CACNA1B: variants seen among roughly 807,000 people sequenced by gnomAD.
CACNA1B encodes the protein voltage-dependent N-type calcium channel subunit alpha-1B.
A neutral mutation model predicts 247.2 loss-of-function variants in CACNA1B; 70 were observed. The ratio of observed to expected loss-of-function variants is 0.28; its 90% CI spans 0.23 to 0.35. The LOEUF (loss-of-function observed/expected upper bound fraction) is 0.35. Among genes scored for constraint, CACNA1B ranks in the 10% least tolerant of loss-of-function variants. The probability of loss-of-function intolerance (pLI) is 1.00; values close to 1 mark genes in which losing one functional copy is unlikely to be tolerated. For synonymous variants in CACNA1B, 1,231 were observed against 1,294.4 expected, an observed-to-expected ratio of 0.95 and a Z score of 1.05; for missense variants, 2,367 against 3,197.4, an observed-to-expected ratio of 0.74 and a Z score of 6.26.
Position 137,877,833 on chromosome 9 carries a change from TC to T in CACNA1B, c.-98del. 1.6e-6 allele frequency: 1 copy of T among 623,140 alleles called. No individual in the cohort carries two copies. Among genetic ancestry groups the T allele is most frequent in the Non-Finnish European group, 2.0e-6 (1 of 499,254 alleles). 38.6% of individuals were successfully genotyped at this position (623,140 alleles called of 1,614,324 possible). The stretch of plus-strand genomic sequence containing the variant: ...TGGGGCCGGGCGAGGTCCGCTGCGG[TC>T]CCGGCGGCTCCGTGGCTGCTCCGCT... On this transcript the variant is annotated 5_prime_UTR_variant, in exon 1 of 47. Transcript: ENST00000371372.
intron 20 of CACNA1B, among the ~76,000 whole-genome samples, chr9:138,036,333 G>A (rs1052787148): frequency 5.3e-5 from 8 of 152,108 alleles, no homozygotes; most frequent in Non-Finnish European, 1.0e-4. Context: ...TAGAGATGGC[G>A]TTTCACTGTG....
intron 42 of CACNA1B, 73 bp downstream of exon 42, chr9:138,115,752 C>T (rs1248956677): frequency 1.4e-6 from 2 of 1,473,292 alleles, no homozygotes; most frequent in East Asian, 4.7e-5. Flanking sequence ...GCAGACATCC[C>T]ATTTCCTCAA....
At chr9:138,075,977 A>C (rs1035716936) in intron 35 of CACNA1B, 67 bp downstream of exon 35, 4 of 1,080,998 alleles carry the variant, frequency 3.7e-6, no homozygotes, top group Non-Finnish European at 5.6e-6. Flanking sequence ...CTCAGGATGA[A>C]GAAGGCTGGG....
At chr9:138,099,180 G>C (rs1399908592) in intron 37 of CACNA1B, among the ~76,000 whole-genome samples, 1 of 152,262 alleles carries the variant, frequency 6.6e-6, no homozygotes, top group Non-Finnish European at 1.5e-5. Flanking sequence ...GTGCGTGTTT[G>C]CACAGTGTGA....
At chr9:138,113,524 A>C (rs1961737409) in intron 40 of CACNA1B, among the ~76,000 whole-genome samples, 1 of 147,450 alleles carries the variant, frequency 6.8e-6, no homozygotes, top group Non-Finnish European at 1.5e-5. Context: ...GAAGGTGCCC[A>C]ACTCCTCCTT....
At chr9:138,062,459 A>C (rs1244407748) in intron 31 of CACNA1B, among the ~76,000 whole-genome samples, 1 of 152,132 alleles carries the variant, frequency 6.6e-6, no homozygotes, top group Non-Finnish European at 1.5e-5. Context: ...TGTGTCCTCT[A>C]GACATGCTTG....
Position 138,043,854 on chromosome 9 carries a change from C to T in CACNA1B, c.3367C>T (p.Pro1123Ser). The change falls in exon 21 of 47, where the codon CCT becomes TCT. Residue 1123 changes from proline (P) to serine (S), a missense_variant. Physicochemically the swap from Pro to Ser is moderately conservative, Grantham distance 74. Coordinates refer to ENST00000371372, the MANE Select transcript of CACNA1B (RefSeq NM_000718.4). The part of the protein sequence containing the change: ...ADDVMRSGPR[P>S]IVPYSSMFCL... ...TGACGTGATGAGGAGCGGCCCCCGG[C>T]CTATCGTCCCATACAGCTCCATGTT... 1 of 1,613,988 alleles carries T rather than the reference C, an allele frequency of 6.2e-7. No homozygotes were observed. Among genetic ancestry groups the T allele is most frequent in the Non-Finnish European group, 8.5e-7 (1 of 1,179,876 alleles).
Position 138,023,310 on chromosome 9 carries a change from A to G in CACNA1B, c.2567A>G (p.Asp856Gly), listed in dbSNP as rs1345508359. Residue 856 changes from aspartate (D) to glycine (G), a missense_variant, in exon 19 of 47, where the codon GAC becomes GGC. Coordinates refer to ENST00000371372, the MANE Select transcript of CACNA1B (RefSeq NM_000718.4). ...DPPRRHHRHR[D>G]KDKTPAAGDQ... is the part of the protein sequence containing the mutation. ...CCGCGCAGGCACCACCGGCACCGCG[A>G]CAAGGACAAGACCCCCGCGGCGGGG... 6.6e-7 allele frequency: 1 copy of G among 1,514,730 alleles called. No individual in the cohort carries two copies. The highest frequency in any genetic ancestry group is 2.6e-5 in the East Asian group (1 of 37,876). 93.8% of individuals were successfully genotyped at this position (1,514,730 alleles called of 1,614,324 possible). A position where few individuals can be genotyped will look rare whatever the true frequency, so the allele number is the denominator to read the frequency against.
rs569934141 is a variant in CACNA1B at position 138,115,771 on chromosome 9, G to A, written c.5777+92G>A. On this transcript the variant is annotated intron_variant, in intron 42 of 46. Transcript: ENST00000371372. ...ACATCCCATTTCCTCAACCTCCCTGGCCCTCACTTCCACTGGCCTCTGGGT... is the reference window on the plus strand; with the variant it reads ...ACATCCCATTTCCTCAACCTCCCTGACCCTCACTTCCACTGGCCTCTGGGT... The A allele has an allele frequency of 1.3e-4, 181 of 1,352,738 alleles. 1 individual carries two copies. In the African/African-American group the frequency reaches 2.0e-3, roughly 15 times the overall value. The allele number at this position is 1,352,738 out of a possible 1,614,324, so 83.8% of individuals were successfully genotyped here.
At chr9:138,097,607 G>A (rs926114842) in intron 37 of CACNA1B, among the ~76,000 whole-genome samples, 6 of 152,174 alleles carry the variant, frequency 3.9e-5, no homozygotes, top group African/African-American at 9.7e-5. Context: ...CTCAGTGAGT[G>A]CGTAGACATC....
intron 3 of CACNA1B, among the ~76,000 whole-genome samples, chr9:137,895,426 C>T (rs1957162064): frequency 6.6e-6 from 1 of 152,030 alleles, no homozygotes; most frequent in Admixed American, 6.6e-5. Context: ...TATATAAAAC[C>T]TGTATGTTAG....
rs200024742 is a variant in CACNA1B, at chr9:137,924,299, G to GCCTTCCTTCCTTCCTT, written c.966+6870_966+6885dup. ...AAAAGTGTGAGGTTTTTGCCTGCCTGCCTTCCTTCCTTCCTTCTTTCCTTC... is the reference window on the plus strand; with the variant it reads ...AAAAGTGTGAGGTTTTTGCCTGCCTGCCTTCCTTCCTTCCTTCCTTCCTTCCTTCCTTCTTTCCTTC... On this transcript the variant is annotated intron_variant, in intron 6 of 46. Coordinates refer to ENST00000371372, the MANE Select transcript of CACNA1B (RefSeq NM_000718.4). Among the ~76,000 whole-genome samples, 4 of 150,044 alleles carry GCCTTCCTTCCTTCCTT rather than the reference G, an allele frequency of 2.7e-5. No homozygotes were observed. The East Asian group carries it at 5.9e-4, about 22-fold the overall frequency.
At chr9:137,995,726 T>C (rs1211830161) in intron 15 of CACNA1B, among the ~76,000 whole-genome samples, 2 of 151,998 alleles carry the variant, frequency 1.3e-5, no homozygotes, top group African/African-American at 4.8e-5. Flanking sequence ...AAAGAAATAA[T>C]CAATAAACAG....
At chr9:137,949,467 T>G (rs1307281893) in intron 6 of CACNA1B, among the ~76,000 whole-genome samples, 5 of 150,006 alleles carry the variant, frequency 3.3e-5, no homozygotes, top group Middle Eastern at 6.9e-3. Flanking sequence ...TGTGTGTGTG[T>G]GGTGTATGCA....
chr9:138,030,026 A>T (rs1272500337), intron 20 of CACNA1B, among the ~76,000 whole-genome samples: 1 of 152,128 alleles, frequency 6.6e-6, no homozygotes, highest in African/African-American at 2.4e-5. Flanking sequence ...TCTGCAAATG[A>T]ACAGTTTTAG....
chr9:138,058,334 G>C lies in CACNA1B; in HGVS notation c.4308+84G>C. The C allele has an allele frequency of 4.0e-6, 5 of 1,240,098 alleles. No homozygotes were observed. The South Asian group carries it at 6.3e-5, about 16-fold the overall frequency. 76.8% of individuals were successfully genotyped at this position (1,240,098 alleles called of 1,614,324 possible). A position where few individuals can be genotyped will look rare whatever the true frequency, so the allele number is the denominator to read the frequency against. ...CCCTCCTGCACACAAATCACTCACA[G>C]CTGGGTCAGCTTTGGCTGCCACCGT... On this transcript the variant is annotated intron_variant, in intron 28 of 46. Coordinates refer to ENST00000371372, the MANE Select transcript of CACNA1B (RefSeq NM_000718.4). The surrounding 1 kb of genome is among the most constrained non-coding windows in gnomAD (Gnocchi z 4.7).
intron 31 of CACNA1B, among the ~76,000 whole-genome samples, chr9:138,065,058 G>A (rs1959867532): frequency 1.3e-5 from 2 of 152,242 alleles, no homozygotes; most frequent in Non-Finnish European, 2.9e-5. Flanking sequence ...TGTGGGCTAT[G>A]AGGTTTTCCA....
rs1958709353 is a variant in CACNA1B at position 138,010,429 on chromosome 9, T to C, written c.2160+352T>C. Among the ~76,000 whole-genome samples, 1 of 152,190 alleles carries C rather than the reference T, an allele frequency of 6.6e-6. No individual in the cohort carries two copies. The highest frequency in any genetic ancestry group is 6.5e-5 in the Admixed American group (1 of 15,288). ...GTGGGACAGCTGCTGCTTCAGGCAGTGCTCAGCGGGTGCCATTTTAATATT... is the reference window on the plus strand; with the variant it reads ...GTGGGACAGCTGCTGCTTCAGGCAGCGCTCAGCGGGTGCCATTTTAATATT... On this transcript the variant is annotated intron_variant, in intron 17 of 46. Transcript: ENST00000371372. This position sits in a 1 kb window ranked among gnomAD's most constrained non-coding sequence, Gnocchi z 5.3.
At chr9:138,101,263 T>A (rs1589128551) in intron 37 of CACNA1B, 3 of 486,258 alleles carry the variant, frequency 6.2e-6, no homozygotes, top group African/African-American at 2.0e-5. Context: ...CAGCACACAC[T>A]CCCTGCCTGG....
Sources: gnomAD v4.1 joint callset for allele counts (sites outside exome capture counted in the v4.1 genomes callset) on GRCh38, gnomAD v4.1.1 for gene constraint, Gnocchi (gnomAD v3.1) non-coding constraint, MANE v1.5 for transcripts, NCBI Gene and HGNC (gene_info 2026-07-23, HGNC 2026-07-21) for gene names.